Variants in ZNF577 observed in about 807,000 individuals in gnomAD.
ZNF577 encodes zinc finger protein 577.
A neutral mutation model predicts 13.9 loss-of-function variants in ZNF577; 14 were observed. The observed-to-expected ratio is 1.00, with a 90% CI of 0.66 to 1.57. The LOEUF (loss-of-function observed/expected upper bound fraction) is 1.57. ZNF577 is among the 40% of genes most tolerant of loss of function. The pLI, the probability that ZNF577 is intolerant of heterozygous loss-of-function variation, is 0.00. For missense variants in ZNF577, 555 were observed against 579.2 expected (o/e 0.96, Z 0.43); for synonymous variants, 203 against 202.9 (o/e 1.00, Z 0.00).
rs772183565 is a variant in ZNF577 at position 51,873,104 on chromosome 19, T to C, written c.886A>G (p.Lys296Glu). The change falls in exon 6 of 6, where the codon AAG becomes GAG. Residue 296 changes from lysine to glutamate, a missense_variant. Transcript: ENST00000638348. ...TAHQRLHTGD[K>E]PYKCSDCGRT... The stretch of plus-strand genomic sequence containing the variant: ...CCACAATCACTGCATTTATAAGGCT[T>C]ATCTCCTGTGTGAAGTCTCTGGTGT... 36 of 1,614,120 alleles carry C rather than the reference T, an allele frequency of 2.2e-5. No individual in the cohort carries two copies. The highest frequency in any genetic ancestry group is 2.6e-5 in the Non-Finnish European group (31 of 1,180,050).
chr19:51,851,572 A>G (rs1270125686), intron 5 of ZNF577, among the ~76,000 whole-genome samples: 1 of 152,138 alleles, frequency 6.6e-6, no homozygotes, highest in Non-Finnish European at 1.5e-5. Flanking sequence ...ATCTCCTAGC[A>G]CTGACACCCA....
intron 8 of ZNF577, chr19:51,840,153 C>T (rs1038932613): frequency 1.3e-5 from 2 of 152,252 alleles, no homozygotes; most frequent in Non-Finnish European, 2.9e-5. Context: ...TGATCTTCTA[C>T]TGTCCTTTTC....
chr19:51,866,198 T>C (rs1210014529), downstream of ZNF577, among the ~76,000 whole-genome samples: 1 of 151,784 alleles, frequency 6.6e-6, no homozygotes, highest in Non-Finnish European at 1.5e-5. Flanking sequence ...CACTTATAAT[T>C]GGGCTTGATG....
At chr19:51,882,285 A>G (rs1168726192) in intron 1 of ZNF577, among the ~76,000 whole-genome samples, 1 of 152,082 alleles carries the variant, frequency 6.6e-6, no homozygotes, top group Admixed American at 6.5e-5. Flanking sequence ...TCAGAATTGC[A>G]CCAAATACTC....
intron 5 of ZNF577, among the ~76,000 whole-genome samples, chr19:51,849,893 A>T (rs919355033): frequency 2.0e-5 from 3 of 152,230 alleles, no homozygotes; most frequent in African/African-American, 7.2e-5. Context: ...AAAAGAACAA[A>T]CTACTGACAT....
At chr19:51,875,013 C>T (rs1365048817) in intron 5 of ZNF577, among the ~76,000 whole-genome samples, 1 of 152,004 alleles carries the variant, frequency 6.6e-6, no homozygotes, top group African/African-American at 2.4e-5. Context: ...AAAACACACA[C>T]ACAAAACAAT....
At chr19:51,825,913 C>T (rs1274900705) in intron 9 of ZNF577, 1 of 166,996 alleles carries the variant, frequency 6.0e-6, no homozygotes, top group African/African-American at 2.4e-5. Context: ...TAGAAAAAAA[C>T]TTTATCTTAC....
At chr19:51,807,745 C>T (rs531578118) in intron 10 of ZNF577, among the ~76,000 whole-genome samples, 49 of 152,204 alleles carry the variant, frequency 3.2e-4, no homozygotes, top group Admixed American at 4.6e-4. Context: ...TTATCTATCA[C>T]GCCCATGAAG....
At position 51,867,965 on chromosome 19, in the gene ZNF577, A is replaced by G. The variant is rs1265118169; in HGVS notation, c.*4567T>C. On this transcript the variant is annotated 3_prime_UTR_variant, in exon 6 of 6. Coordinates refer to ENST00000638348, the MANE Select transcript of ZNF577 (RefSeq NM_001370449.1). ...TGGAATGTCTTCTCCCTTGCATGGG[A>G]TCAGAGCCAGGCAAGTTCTGGTGGG... is the stretch of plus-strand genomic sequence containing the variant. 6.6e-6 allele frequency among the ~76,000 whole-genome samples: 1 copy of G among 152,116 alleles called. No homozygotes were observed. Among genetic ancestry groups the G allele is most frequent in the Non-Finnish European group, 1.5e-5 (1 of 68,012 alleles).
At chr19:51,823,874 G>C in intron 9 of ZNF577, 2 of 1,614,080 alleles carry the variant, frequency 1.2e-6, no homozygotes, top group Non-Finnish European at 1.7e-6. Flanking sequence ...TCGGGGTCCT[G>C]GGCAATGGGC....
intron 9 of ZNF577, among the ~76,000 whole-genome samples, chr19:51,837,446 C>A (rs3948650): frequency 0.39 from 58,402 of 151,642 alleles, 11,401 homozygotes; most frequent in South Asian, 0.48. Context: ...CTTAGAGTAC[C>A]TGTATGACCT....
intron 5 of ZNF577, among the ~76,000 whole-genome samples, chr19:51,874,444 C>A (rs1204560783): frequency 6.6e-6 from 1 of 150,746 alleles, no homozygotes; most frequent in Non-Finnish European, 1.5e-5. Context: ...GAAAAGGGAA[C>A]AGCCAGTGTG....
intron 8 of ZNF577, among the ~76,000 whole-genome samples, chr19:51,841,408 C>A (rs1323495481): frequency 6.6e-6 from 1 of 152,136 alleles, no homozygotes. Flanking sequence ...AGGTGAAGAG[C>A]AAGGACACTA....
intron 5 of ZNF577, among the ~76,000 whole-genome samples, chr19:51,846,545 T>C (rs1290240579): frequency 1.3e-5 from 2 of 152,028 alleles, no homozygotes; most frequent in African/African-American, 4.8e-5. Context: ...GTGTCTCTAC[T>C]AAAAATACAG....
chr19:51,880,769 G>A lies in ZNF577; in HGVS notation c.-110C>T, dbSNP rs1179120659. 1 of 187,140 alleles carries A rather than the reference G, an allele frequency of 5.3e-6. No individual in the cohort carries two copies. The highest frequency in any genetic ancestry group is 1.1e-5 in the Non-Finnish European group (1 of 89,732). 11.6% of individuals were successfully genotyped at this position (187,140 alleles called of 1,614,324 possible). A position where few individuals can be genotyped will look rare whatever the true frequency, so the allele number is the denominator to read the frequency against. ...TCTATTCTGGGCCTTCCCAGAAGTGGTGGTCAGGTATCATCTCAGGTCAAG... is the reference window on the plus strand; with the variant it reads ...TCTATTCTGGGCCTTCCCAGAAGTGATGGTCAGGTATCATCTCAGGTCAAG... On this transcript the variant is annotated 5_prime_UTR_variant, in exon 2 of 6. Transcript: ENST00000638348.
chr19:51,877,678 T>C, intron 4 of ZNF577: 1 of 252,660 alleles, frequency 4.0e-6, no homozygotes, highest in Non-Finnish European at 7.6e-6. Context: ...GAATGTAAAA[T>C]GGTACTGACA....
rs560761828 is a variant in ZNF577, at chr19:51,867,741, C to T, written c.*4791G>A. ...TGGAGGTTGCAGTGACCCACGATTA[C>T]GCCACTGCACTCCAGCCTGGGCAAA... is the stretch of plus-strand genomic sequence containing the variant. On this transcript the variant is annotated 3_prime_UTR_variant, in exon 6 of 6. Transcript: ENST00000638348. 9.2e-5 allele frequency among the ~76,000 whole-genome samples: 14 copies of T among 152,100 alleles called. No individual in the cohort carries two copies. Among genetic ancestry groups the T allele is most frequent in the African/African-American group, 2.4e-4 (10 of 41,512 alleles).
chr19:51,807,548 A>G (rs1411695162), intron 10 of ZNF577, among the ~76,000 whole-genome samples: 3 of 152,200 alleles, frequency 2.0e-5, no homozygotes, highest in East Asian at 1.9e-4. Flanking sequence ...AGCTCTGAGC[A>G]TTGACCTGAA....
At chr19:51,866,112 TA>T (rs77138668), downstream of ZNF577, among the ~76,000 whole-genome samples, 365 of 138,918 alleles carry the variant, frequency 2.6e-3, no homozygotes, top group Admixed American at 2.4e-3. Flanking sequence ...AGACTCCATC[TA>T]AAAAAAAAAA....
Sources: allele counts gnomAD v4.1 joint callset (sites outside exome capture counted in the v4.1 genomes callset), GRCh38; gene constraint gnomAD v4.1.1; transcripts MANE v1.5; gene names NCBI Gene and HGNC (gene_info 2026-07-23, HGNC 2026-07-21).